DIS3: variants seen among roughly 807,000 people sequenced by gnomAD.
DIS3 encodes the protein DIS3 exosome endoribonuclease and 3'-5' exoribonuclease.
DIS3 carries 103 observed loss-of-function variants against 113.0 expected under a neutral mutation model. That is an observed-to-expected ratio of 0.91 (90% CI 0.78 to 1.07). DIS3 has a LOEUF of 1.07. Ranked by LOEUF, DIS3 falls within the 50% of genes least tolerant of loss-of-function variation. The pLI is 0.00. For missense variants in DIS3, 1,121 were observed against 1,167.1 expected (o/e 0.96, Z 0.58); for synonymous variants, 402 against 394.3 (o/e 1.02, Z -0.23).
Position 72,781,277 on chromosome 13 carries a change from C to T in DIS3, c.229-274G>A, listed in dbSNP as rs1297562358. The T allele has an allele frequency of 6.4e-6, 10 of 1,551,068 alleles. No homozygotes were observed. The Admixed American group carries it at 1.2e-4, about 18-fold the overall frequency. On this transcript the variant is annotated intron_variant, in intron 1 of 20. Transcript: ENST00000377767. ...CGTTGGCCCACATAGTTTTTTGTTC[C>T]TAGGCACTTACAAGCTGCCTGGGAG...
Position 72,762,830 on chromosome 13 carries a change from AT to A in DIS3, c.2127+620del, listed in dbSNP as rs201136695. 1.0e-3 allele frequency among the ~76,000 whole-genome samples: 149 copies of A among 149,598 alleles called. No homozygotes were observed. In the East Asian group the frequency reaches 0.011, roughly 11 times the overall value. On this transcript the variant is annotated intron_variant, in intron 16 of 20. Transcript: ENST00000377767. ...GATTTAACTGAGTTGAAGTAAATAA[AT>A]AAAAAAAAAAAATACATTATTTGTA... is the stretch of plus-strand genomic sequence containing the variant.
At position 72,775,998 on chromosome 13, in the gene DIS3, GT is replaced by G; in HGVS notation, c.748del (p.Thr250HisfsTer26). Reference sequence around the variant, plus strand: ...GTAATTTTCCCTGCTAGCTCTAAATGTTCCTTGAAGGTATGTACCAGATTTT... The same window carrying G: ...GTAATTTTCCCTGCTAGCTCTAAATGTCCTTGAAGGTATGTACCAGATTTT... Reference protein sequence around the residue: ...GIKSGTYLQGTFRASRENYLE... With the variant: ...GIKSGTYLQGXFRASRENYLE... On this transcript the variant is annotated frameshift_variant, in exon 5 of 21. Transcript: ENST00000377767. LOFTEE classifies it high-confidence loss of function. 2 of 1,611,406 alleles carry G rather than the reference GT, an allele frequency of 1.2e-6. No homozygotes were observed. Among genetic ancestry groups the G allele is most frequent in the South Asian group, 2.2e-5 (2 of 90,352 alleles).
rs1350672272 is a variant in DIS3 at position 72,763,536 on chromosome 13, T to G, written c.2042A>C (p.Glu681Ala). 2 of 1,613,716 alleles carry G rather than the reference T, an allele frequency of 1.2e-6. No homozygotes were observed. Among genetic ancestry groups the G allele is most frequent in the East Asian group, 4.5e-5 (2 of 44,870 alleles). The change falls in exon 16 of 21, where the codon GAA becomes GCA. Residue 681 changes from glutamate to alanine, a missense_variant. Physicochemically the swap from Glu to Ala is moderately radical, Grantham distance 107 (BLOSUM62 -1). Transcript: ENST00000377767. ...TCGAAGCAGAGCATGTTCAGAAAAT[T>G]CCTCATGAATTTTTTTTGCAACAGA... ...NISVAKKIHE[E>A]FSEHALLRKH... is the part of the protein sequence containing the mutation.
At chr13:72,760,491 G>A (rs1593833591) in intron 20 of DIS3, 38 bp downstream of exon 20, 1 of 1,612,034 alleles carries the variant, frequency 6.2e-7, no homozygotes, top group Non-Finnish European at 8.5e-7. Context: ...TGTACTGTTT[G>A]TTCCATCACA....
intron 2 of DIS3, among the ~76,000 whole-genome samples, chr13:72,780,487 C>A (rs2034148503): frequency 6.6e-6 from 1 of 151,988 alleles, no homozygotes; most frequent in Non-Finnish European, 1.5e-5. Flanking sequence ...TATTTTATTA[C>A]CCTCTGTTAG....
chr13:72,763,718 T>C (rs1593837425), intron 15 of DIS3, 111 bp from the exon 16 acceptor site: 20 of 1,050,046 alleles, frequency 1.9e-5, no homozygotes, highest in Non-Finnish European at 2.5e-5. Context: ...GAGCATTTCC[T>C]ATGTAAACAT....
chr13:72,760,003 G>C (rs2033586420), intron 20 of DIS3, 125 bp from the exon 21 acceptor site: 2 of 750,700 alleles, frequency 2.7e-6, no homozygotes, highest in African/African-American at 3.5e-5. Flanking sequence ...AGGGGAAAGG[G>C]GGCTAATTAA....
intron 17 of DIS3, 38 bp downstream of exon 17, chr13:72,761,885 C>A: frequency 6.2e-7 from 1 of 1,611,834 alleles, no homozygotes; most frequent in Non-Finnish European, 8.5e-7. Context: ...CAAAATTAAC[C>A]ATTTTCTATC....
In DIS3 at chr13:72,760,597, C is replaced by T; in HGVS notation, c.2725G>A (p.Val909Met). The stretch of plus-strand genomic sequence containing the variant: ...TTAGATGAGTCTAACATGATTTTCA[C>T]TTTAACTTTATCAAATACATGGAAC... ...TVFHVFDKVK[V>M]KIMLDSSNLQ... Residue 909 changes from valine to methionine, a missense_variant, in exon 20 of 21, where the codon GTG becomes ATG. Val to Met is a conservative substitution (Grantham distance 21, BLOSUM62 1). Transcript: ENST00000377767. 3.7e-6 allele frequency: 6 copies of T among 1,613,232 alleles called. No homozygotes were observed. In the South Asian group the frequency reaches 4.4e-5, roughly 12 times the overall value.
At position 72,781,887 on chromosome 13, in the gene DIS3, T is replaced by C. The variant is rs2034254009; in HGVS notation, c.-55A>G. On this transcript the variant is annotated 5_prime_UTR_variant, in exon 1 of 21. Coordinates refer to ENST00000377767, the MANE Select transcript of DIS3 (RefSeq NM_014953.5). ...AGCAGCGCTCTTCCAGCAAAAGGCGTCAATCTAGAATACGCCTAACCCCGG... is the reference window on the plus strand; with the variant it reads ...AGCAGCGCTCTTCCAGCAAAAGGCGCCAATCTAGAATACGCCTAACCCCGG... The C allele has an allele frequency of 6.9e-7, 1 of 1,456,508 alleles. No individual in the cohort carries two copies. Among genetic ancestry groups the C allele is most frequent in the Non-Finnish European group, 9.2e-7 (1 of 1,089,170 alleles). The allele number at this position is 1,456,508 out of a possible 1,614,324, so 90.2% of individuals were successfully genotyped here. A position where few individuals can be genotyped will look rare whatever the true frequency, so the allele number is the denominator to read the frequency against.
chr13:72,773,605 TG>T (rs1474862530), intron 8 of DIS3, 78 bp downstream of exon 8: 3 of 1,443,726 alleles, frequency 2.1e-6, no homozygotes, highest in African/African-American at 1.4e-5. Context: ...AAAAGTAGAT[TG>T]TTTTTATTAA....
In DIS3 at chr13:72,755,788, A is replaced by G; in HGVS notation, c.*4007T>C. 1 of 398,248 alleles carries G rather than the reference A, an allele frequency of 2.5e-6. No individual in the cohort carries two copies. The highest frequency in any genetic ancestry group is 4.4e-6 in the Non-Finnish European group (1 of 226,002). 24.7% of individuals were successfully genotyped at this position (398,248 alleles called of 1,614,324 possible). A position where few individuals can be genotyped will look rare whatever the true frequency, so the allele number is the denominator to read the frequency against. On this transcript the variant is annotated 3_prime_UTR_variant, in exon 21 of 21. Transcript: ENST00000377767. ...GATAACTGTTCTAGTTACTACTTTT[A>G]AGTATGTAAATACTAGAAAGGTAGT...
chr13:72,759,854 C>T lies in DIS3; in HGVS notation c.2818G>A (p.Asp940Asn). The T allele has an allele frequency of 6.2e-7, 1 of 1,613,112 alleles. No individual in the cohort carries two copies. Among genetic ancestry groups the T allele is most frequent in the Non-Finnish European group, 8.5e-7 (1 of 1,179,434 alleles). ...PQIPGISIPT[D>N]TSNMDLNGPK... Reference sequence around the variant, plus strand: ...CCATTAAGGTCCATGTTTGAAGTATCAGTAGGAATGCTTATTCCTGGTATC... The same window carrying T: ...CCATTAAGGTCCATGTTTGAAGTATTAGTAGGAATGCTTATTCCTGGTATC... The change falls in exon 21 of 21, where the codon GAT (aspartate) becomes AAT (asparagine). Residue 940 changes from aspartate (D) to asparagine (N), a missense_variant. Physicochemically the swap from Asp to Asn is conservative, Grantham distance 23. Transcript: ENST00000377767.
chr13:72,781,347 C>A, intron 1 of DIS3: 3 of 1,551,176 alleles, frequency 1.9e-6, no homozygotes, highest in Non-Finnish European at 2.6e-6. Flanking sequence ...GGCCTCCAGG[C>A]ACTTACAATC....
In DIS3 at chr13:72,754,435, G is replaced by GT. The variant is rs1177167200; in HGVS notation, c.*5359_*5360insA. On this transcript the variant is annotated 3_prime_UTR_variant, in exon 21 of 21. Transcript: ENST00000377767. ...AGCAATCCTCCTGCCTCACCCTCCT[G>GT]AGTAGCTAGAACTACAGGTGTGAAC... is the stretch of plus-strand genomic sequence containing the variant. 2 of 151,816 alleles carry GT rather than the reference G, an allele frequency of 1.3e-5. No homozygotes were observed. Among genetic ancestry groups the GT allele is most frequent in the Non-Finnish European group, 2.9e-5 (2 of 68,310 alleles). 9.4% of individuals were successfully genotyped at this position (151,816 alleles called of 1,614,324 possible). A position where few individuals can be genotyped will look rare whatever the true frequency, so the allele number is the denominator to read the frequency against.
chr13:72,763,786 T>C (rs2033686610), intron 15 of DIS3, among the ~76,000 whole-genome samples, 179 bp from the exon 16 acceptor site: 1 of 152,178 alleles, frequency 6.6e-6, no homozygotes, highest in Admixed American at 6.5e-5. Context: ...ATCTCTCAGT[T>C]ACTCCGCTAA....
chr13:72,779,773 G>C (rs368307016), intron 2 of DIS3, among the ~76,000 whole-genome samples: 28 of 151,808 alleles, frequency 1.8e-4, no homozygotes, highest in East Asian at 1.9e-4. Context: ...GTGGTGGTGG[G>C]GGGGGTAAGG....
In DIS3 at chr13:72,772,273, G is replaced by A. The variant is rs775278005; in HGVS notation, c.1389C>T (p.Asp463=). Residue 463 remains aspartate, a splice_region_variant and synonymous_variant, in exon 10 of 21, where the codon GAC becomes GAT. Coordinates refer to ENST00000377767, the MANE Select transcript of DIS3 (RefSeq NM_014953.5). The part of the protein sequence containing the change: ...PKMPWSITEK[D]MKNREDLRHL... Reference sequence around the variant, plus strand: ...GCCTCAGGTCTTCTCGGTTTTTCATGTCCTAGAAGACATGAAATGATAAAC... The same window carrying A: ...GCCTCAGGTCTTCTCGGTTTTTCATATCCTAGAAGACATGAAATGATAAAC... 1 of 1,600,284 alleles carries A rather than the reference G, an allele frequency of 6.2e-7. No individual in the cohort carries two copies. The highest frequency in any genetic ancestry group is 2.2e-5 in the East Asian group (1 of 44,754).
chr13:72,781,670 G>C lies in DIS3; in HGVS notation c.163C>G (p.Pro55Ala). 12 of 1,550,414 alleles carry C rather than the reference G, an allele frequency of 7.7e-6. No individual in the cohort carries two copies. Among genetic ancestry groups the C allele is most frequent in the Non-Finnish European group, 1.0e-5 (12 of 1,147,398 alleles). ...GGTTGCGGGCAGACGCTGCTCGCCG[G>C]GTCCTGGGGCTGCGGCTCCAGGGCC... ...GPALEPQPQD[P>A]ASSVCPQPHY... The change falls in exon 1 of 21, where the codon CCG becomes GCG. Residue 55 changes from proline to alanine, a missense_variant. Physicochemically the swap from Pro to Ala is conservative, Grantham distance 27 (BLOSUM62 -1). This residue lies in a region of DIS3 where 254 missense variants were observed against 232.2 expected (regional missense o/e 1.09). Transcript: ENST00000377767.
Sources: gnomAD v4.1 joint callset for allele counts (sites outside exome capture counted in the v4.1 genomes callset) on GRCh38, gnomAD v4.1.1 for gene constraint, gnomAD v4.1.1 regional missense constraint, MANE v1.5 for transcripts, NCBI Gene and HGNC (gene_info 2026-07-23, HGNC 2026-07-21) for gene names.